CNBD1: variants seen among roughly 807,000 people sequenced by gnomAD.
CNBD1 encodes cyclic nucleotide binding domain containing 1.
A neutral mutation model predicts 54.4 loss-of-function variants in CNBD1; 71 were observed. The observed-to-expected ratio is 1.30, with a 90% CI of 1.08 to 1.59. CNBD1 has a LOEUF of 1.59. Ranked by LOEUF, CNBD1 falls within the 40% of genes most tolerant of loss-of-function variation. The pLI is 0.00. For missense variants in CNBD1, 659 were observed against 518.0 expected (o/e 1.27, Z -2.64); for synonymous variants, 182 against 170.7 (o/e 1.07, Z -0.51).
chr8:86,901,013 T>A (rs1808924277), intron 2 of CNBD1, among the ~76,000 whole-genome samples: 1 of 152,134 alleles, frequency 6.6e-6, no homozygotes, highest in African/African-American at 2.4e-5. Flanking sequence ...TGTCCATGAA[T>A]AAGGCTAGAA....
chr8:87,032,844 T>A (rs913204725), intron 4 of CNBD1, among the ~76,000 whole-genome samples: 3 of 152,178 alleles, frequency 2.0e-5, no homozygotes, highest in Non-Finnish European at 4.4e-5. Flanking sequence ...GCACTGCTTC[T>A]TTTACATCTT....
chr8:87,256,594 A>T (rs1361988479), intron 6 of CNBD1, among the ~76,000 whole-genome samples: 1 of 150,656 alleles, frequency 6.6e-6, no homozygotes, highest in Non-Finnish European at 1.5e-5. Flanking sequence ...ATCCCTCTCT[A>T]CCCTCTTGGG....
chr8:87,281,339 T>C (rs1453203157), intron 6 of CNBD1, among the ~76,000 whole-genome samples: 1 of 151,076 alleles, frequency 6.6e-6, no homozygotes, highest in South Asian at 2.1e-4. Flanking sequence ...TCTGCCAGTT[T>C]AGCTCCATCA....
intron 8 of CNBD1, among the ~76,000 whole-genome samples, chr8:87,350,050 A>G (rs923845973): frequency 5.3e-5 from 8 of 152,202 alleles, no homozygotes; most frequent in Non-Finnish European, 1.2e-4. Context: ...TTCCTTATCT[A>G]TAACAATTGC....
intron 10 of CNBD1, among the ~76,000 whole-genome samples, chr8:87,371,729 A>G (rs1389218680): frequency 6.6e-6 from 1 of 152,128 alleles, no homozygotes; most frequent in Non-Finnish European, 1.5e-5. Flanking sequence ...AGAACCAAAG[A>G]CAAAAACCAC....
chr8:87,301,304 C>A (rs1320504372), intron 8 of CNBD1, among the ~76,000 whole-genome samples: 1 of 152,026 alleles, frequency 6.6e-6, no homozygotes, highest in Non-Finnish European at 1.5e-5. Context: ...TGAAACAATA[C>A]CACAAGATAG....
At chr8:87,123,230 T>C (rs1811924230) in intron 4 of CNBD1, among the ~76,000 whole-genome samples, 1 of 151,746 alleles carries the variant, frequency 6.6e-6, no homozygotes, top group Non-Finnish European at 1.5e-5. Flanking sequence ...TGTACTTTCT[T>C]CTCAAGTGCA....
chr8:87,181,484 A>C (rs1181231333), intron 4 of CNBD1, among the ~76,000 whole-genome samples: 1 of 152,148 alleles, frequency 6.6e-6, no homozygotes, highest in African/African-American at 2.4e-5. Context: ...TGTCCATTTC[A>C]TTGAATTTAT....
intron 4 of CNBD1, among the ~76,000 whole-genome samples, chr8:87,025,662 G>A (rs1370630955): frequency 5.3e-5 from 8 of 151,144 alleles, no homozygotes; most frequent in South Asian, 2.1e-4. Context: ...GCAAGACAAC[G>A]AACCCAGTGG....
Position 87,274,818 on chromosome 8 carries a change from G to T in CNBD1, c.772-9860G>T, listed in dbSNP as rs570908130. On this transcript the variant is annotated intron_variant, in intron 6 of 10. Transcript: ENST00000518476. Reference sequence around the variant, plus strand: ...TTTGGCTTTTGTTGCCATTGCTTTTGATATTTTAGACATGAAGTCCTTGCC... The same window carrying T: ...TTTGGCTTTTGTTGCCATTGCTTTTTATATTTTAGACATGAAGTCCTTGCC... 1.1e-3 allele frequency among the ~76,000 whole-genome samples: 155 copies of T among 134,810 alleles called. 21 individuals are homozygous for T. Among genetic ancestry groups the T allele is most frequent in the Non-Finnish European group, 1.9e-3 (122 of 62,816 alleles). 88.4% of individuals were successfully genotyped at this position (134,810 alleles called of 152,430 possible).
At chr8:87,241,630 C>T (rs1206509939) in intron 6 of CNBD1, among the ~76,000 whole-genome samples, 1 of 151,938 alleles carries the variant, frequency 6.6e-6, no homozygotes, top group Non-Finnish European at 1.5e-5. Context: ...CACATACTAA[C>T]GCAGGAAAAA....
At chr8:87,330,773 A>G (rs1332507495) in intron 8 of CNBD1, among the ~76,000 whole-genome samples, 3 of 152,188 alleles carry the variant, frequency 2.0e-5, no homozygotes, top group African/African-American at 7.2e-5. Flanking sequence ...TGGATTAAGT[A>G]GATTATAGAT....
At chr8:86,997,577 A>G (rs1808902022) in intron 4 of CNBD1, among the ~76,000 whole-genome samples, 1 of 152,192 alleles carries the variant, frequency 6.6e-6, no homozygotes. Flanking sequence ...TACCTACTGG[A>G]CATGAAATAG....
intron 3 of CNBD1, among the ~76,000 whole-genome samples, chr8:86,919,092 T>C (rs969923870): frequency 2.6e-5 from 4 of 152,028 alleles, no homozygotes; most frequent in African/African-American, 9.7e-5. Flanking sequence ...AAATGTCATG[T>C]ATCAACAAGA....
intron 4 of CNBD1, among the ~76,000 whole-genome samples, chr8:87,057,438 C>T (rs577573428): frequency 6.6e-6 from 1 of 152,124 alleles, no homozygotes; most frequent in Non-Finnish European, 1.5e-5. Flanking sequence ...CCCACTGGGC[C>T]CCTGCCATGA....
chr8:86,953,580 A>G (rs928812345), intron 4 of CNBD1, among the ~76,000 whole-genome samples: 7 of 152,100 alleles, frequency 4.6e-5, no homozygotes, highest in Non-Finnish European at 8.8e-5. Context: ...CAACAATCCT[A>G]TGCAGGCCGA....
chr8:87,354,507 T>A (rs7830510), intron 10 of CNBD1, among the ~76,000 whole-genome samples: 56,299 of 151,690 alleles, frequency 0.37, 10,773 homozygotes, highest in Middle Eastern at 0.45. Context: ...CTGCACCCAT[T>A]AACTCGTCAT....
At chr8:86,888,076 C>T (rs1808707526) in intron 2 of CNBD1, among the ~76,000 whole-genome samples, 1 of 152,028 alleles carries the variant, frequency 6.6e-6, no homozygotes, top group Non-Finnish European at 1.5e-5. Context: ...CTCCTTTCTC[C>T]AAGTTGGGTT....
intron 4 of CNBD1, among the ~76,000 whole-genome samples, chr8:87,090,231 T>C (rs575597239): frequency 6.6e-6 from 1 of 152,330 alleles, no homozygotes; most frequent in East Asian, 1.9e-4. Context: ...ATACACGTTT[T>C]ATAAAGATTC....
Sources: allele counts gnomAD v4.1 joint callset (sites outside exome capture counted in the v4.1 genomes callset), GRCh38; gene constraint gnomAD v4.1.1; transcripts MANE v1.5; gene names NCBI Gene and HGNC (gene_info 2026-07-23, HGNC 2026-07-21).